The following DNAH3 variants were observed in gnomAD, a reference collection of about 807,000 sequenced individuals.
DNAH3 encodes axonemal beta dynein heavy chain 3.
DNAH3 carries 332 observed loss-of-function variants against 432.5 expected under a neutral mutation model. That is an observed-to-expected ratio of 0.77 (90% CI 0.70 to 0.84). The LOEUF is 0.84. Among genes scored for constraint, DNAH3 ranks in the 40% least tolerant of loss-of-function variants. The pLI is 0.00. For synonymous variants in DNAH3, 1,956 were observed against 1,900.2 expected (o/e 1.03, Z -0.76); for missense variants, 4,861 against 5,114.0 (o/e 0.95, Z 1.51).
At chr16:20,936,536 G>T in intron 60 of DNAH3, 113 bp downstream of exon 60, 2 of 888,284 alleles carry the variant, frequency 2.3e-6, no homozygotes, top group Non-Finnish European at 3.5e-6. Context: ...CTCAATCCAG[G>T]ATGTTCTGTG....
intron 54 of DNAH3, among the ~76,000 whole-genome samples, chr16:20,955,464 C>CTT (rs113056418): frequency 2.8e-5 from 4 of 144,134 alleles, no homozygotes; most frequent in Admixed American, 7.0e-5. Context: ...AGCTCCTACT[C>CTT]TTTTTTTTTT....
At chr16:21,101,536 G>T (rs2091837934) in intron 16 of DNAH3, among the ~76,000 whole-genome samples, 1 of 152,184 alleles carries the variant, frequency 6.6e-6, no homozygotes, top group African/African-American at 2.4e-5. Context: ...GTAAGGGGAG[G>T]ATTCTGGCAG....
chr16:21,043,355 A>AG (rs2089536511), intron 31 of DNAH3, among the ~76,000 whole-genome samples: 1 of 135,984 alleles, frequency 7.4e-6, no homozygotes, highest in Non-Finnish European at 1.5e-5. Context: ...CTTTTTAATG[A>AG]TTGCCATTCT....
chr16:20,935,619 C>T, intron 60 of DNAH3, 134 bp from the exon 61 acceptor site: 2 of 939,870 alleles, frequency 2.1e-6, no homozygotes. Context: ...GGTTTAGCTT[C>T]TATCTTCCCA....
intron 31 of DNAH3, among the ~76,000 whole-genome samples, chr16:21,043,048 C>A (rs1482251969): frequency 6.6e-6 from 1 of 152,168 alleles, no homozygotes. Flanking sequence ...ATATGTGCCA[C>A]ATTTTCTTAA....
At chr16:21,144,052 C>T (rs757792395) in intron 3 of DNAH3, among the ~76,000 whole-genome samples, 7 of 152,152 alleles carry the variant, frequency 4.6e-5, no homozygotes, top group Non-Finnish European at 8.8e-5. Context: ...TGCCAACATA[C>T]ATCCAACAAA....
At chr16:20,952,475 C>A (rs2084360837) in exon 56 of DNAH3, 1 of 1,613,506 alleles carries the variant, frequency 6.2e-7, no homozygotes, top group Non-Finnish European at 8.5e-7. Flanking sequence ...TCCTTGTAGT[C>A]ATTGAGAAAC....
chr16:21,086,062 A>G, intron 19 of DNAH3, among the ~76,000 whole-genome samples: 1 of 152,122 alleles, frequency 6.6e-6, no homozygotes. Flanking sequence ...CTGGTCTTGA[A>G]TGTGGTTCTG....
chr16:21,111,643 G>C, exon 14 of DNAH3: 2 of 1,613,004 alleles, frequency 1.2e-6, no homozygotes, highest in Non-Finnish European at 1.7e-6. Context: ...TGGTGTCTCG[G>C]TTTACATCCA....
chr16:21,144,227 G>T (rs1449466706), intron 3 of DNAH3, among the ~76,000 whole-genome samples: 1 of 152,126 alleles, frequency 6.6e-6, no homozygotes, highest in Non-Finnish European at 1.5e-5. Context: ...GTATGGGCTA[G>T]AACTAGTGAC....
chr16:21,116,376 G>A (rs1282847632), intron 12 of DNAH3, among the ~76,000 whole-genome samples: 3 of 151,886 alleles, frequency 2.0e-5, no homozygotes, highest in Non-Finnish European at 4.4e-5. Flanking sequence ...TCGTGACAGT[G>A]AGTTCTCACG....
chr16:21,000,851 T>G (rs2086982939), intron 42 of DNAH3, among the ~76,000 whole-genome samples: 1 of 152,194 alleles, frequency 6.6e-6, no homozygotes, highest in Admixed American at 6.5e-5. Flanking sequence ...ATGCAGGGAT[T>G]TGAATACCAG....
intron 1 of DNAH3, among the ~76,000 whole-genome samples, chr16:21,157,299 T>C (rs1250552764): frequency 6.6e-6 from 1 of 151,394 alleles, no homozygotes; most frequent in Admixed American, 6.6e-5. Flanking sequence ...ACAGCCACAC[T>C]ATTGCACCAG....
At chr16:21,037,966 ATCT>A in exon 34 of DNAH3, 1 of 1,614,070 alleles carries the variant, frequency 6.2e-7, no homozygotes, top group East Asian at 2.2e-5. Flanking sequence ...GGTCGCAACG[ATCT>A]TCTGGGCGAG....
intron 54 of DNAH3, among the ~76,000 whole-genome samples, chr16:20,956,483 C>T (rs1444507082): frequency 6.6e-6 from 1 of 152,070 alleles, no homozygotes; most frequent in Non-Finnish European, 1.5e-5. Flanking sequence ...TGTATCCAGC[C>T]CTCTTCACTC....
At chr16:21,120,533 C>G (rs2092312843) in intron 11 of DNAH3, 1 of 602,224 alleles carries the variant, frequency 1.7e-6, no homozygotes, top group East Asian at 2.8e-5. Context: ...TAAGTCTTCA[C>G]TAACCAGTTC....
intron 41 of DNAH3, among the ~76,000 whole-genome samples, chr16:21,008,548 A>T (rs949696342): frequency 6.6e-6 from 1 of 152,144 alleles, no homozygotes; most frequent in Non-Finnish European, 1.5e-5. Context: ...CACGCAGCAT[A>T]GGGTTCTGGA....
At chr16:20,980,230 T>TTATATATATAATATACATCA (rs1567571758) in intron 49 of DNAH3, among the ~76,000 whole-genome samples, 7 of 136,100 alleles carry the variant, frequency 5.1e-5, no homozygotes, top group African/African-American at 1.9e-4. Context: ...TATTATTTAT[T>TTATATATATAATATACATCA]TATATTATAT....
chr16:21,027,587 C>T (rs950204571), intron 37 of DNAH3, among the ~76,000 whole-genome samples: 1 of 152,210 alleles, frequency 6.6e-6, no homozygotes, highest in Non-Finnish European at 1.5e-5. Flanking sequence ...CGCCTGTAAT[C>T]CCAGCACTTT....
Sources: allele counts gnomAD v4.1 joint callset (sites outside exome capture counted in the v4.1 genomes callset), GRCh38; gene constraint gnomAD v4.1.1; transcripts MANE v1.5; gene names NCBI Gene and HGNC (gene_info 2026-07-23, HGNC 2026-07-21).